TLN2: variants seen among roughly 807,000 people sequenced by gnomAD.
TLN2 encodes talin-2.
In TLN2, 118 loss-of-function variants were observed where a neutral mutation model predicts 294.7. The ratio of observed to expected loss-of-function variants is 0.40; its 90% CI spans 0.34 to 0.47. The LOEUF (loss-of-function observed/expected upper bound fraction) is 0.47. TLN2 is among the 20% of genes least tolerant of loss of function. TLN2 has a pLI of 0.84. For missense variants in TLN2, 3,083 were observed against 3,282.2 expected, an observed-to-expected ratio of 0.94 and a Z score of 1.48; for synonymous variants, 1,431 against 1,304.5, an observed-to-expected ratio of 1.10 and a Z score of -2.09.
chr15:62,570,913 G>T (rs1275817737), intron 1 of TLN2, among the ~76,000 whole-genome samples: 1 of 133,926 alleles, frequency 7.5e-6, no homozygotes, highest in Non-Finnish European at 1.5e-5. Flanking sequence ...CTGTGTGTGT[G>T]TGTGTGTGTG....
chr15:62,813,529 T>C (rs924498324), intron 52 of TLN2, among the ~76,000 whole-genome samples: 3 of 152,118 alleles, frequency 2.0e-5, no homozygotes, highest in Admixed American at 6.5e-5. Flanking sequence ...GATCCAAATA[T>C]ATTTTAAAGA....
rs1007859607 is a variant in TLN2 at position 62,647,141 on chromosome 15, G to A, written c.-36-134G>A. On this transcript the variant is annotated intron_variant, in intron 3 of 58. Transcript: ENST00000636159. ...GTAAAATTTGTTTTGTACCTAAAGT[G>A]TACTCTTTATTTGCTGTTTTATTCT... 12 of 853,794 alleles carry A rather than the reference G, an allele frequency of 1.4e-5. No homozygotes were observed. In the African/African-American group the frequency reaches 1.7e-4, roughly 12 times the overall value. The allele number at this position is 853,794 out of a possible 1,614,324, so 52.9% of individuals were successfully genotyped here.
At chr15:62,714,427 C>T (rs1451230624) in intron 22 of TLN2, among the ~76,000 whole-genome samples, 1 of 151,956 alleles carries the variant, frequency 6.6e-6, no homozygotes, top group South Asian at 2.1e-4. Context: ...TGGTCTCGAT[C>T]TCCTGACCTT....
At chr15:62,525,197 C>T (rs940021564) in intron 1 of TLN2, among the ~76,000 whole-genome samples, 1 of 152,198 alleles carries the variant, frequency 6.6e-6, no homozygotes, top group African/African-American at 2.4e-5. Context: ...CATTGTCTCT[C>T]ACATGTGTTT....
At chr15:62,491,335 AAAATATATAT>A (rs1190856074) in intron 1 of TLN2, among the ~76,000 whole-genome samples, 5 of 100,956 alleles carry the variant, frequency 5.0e-5, no homozygotes, top group African/African-American at 2.0e-4. Flanking sequence ...TCAAAAAAAA[AAAATATATAT>A]ATATATACAC....
chr15:62,805,910 C>T (rs1448973147), intron 51 of TLN2, 125 bp downstream of exon 51: 4 of 1,069,974 alleles, frequency 3.7e-6, no homozygotes, highest in Non-Finnish European at 5.2e-6. Context: ...GCACACAGGG[C>T]CAGGGGTAGT....
rs36112967 is a variant in TLN2 at position 62,756,895 on chromosome 15, C to CTT, written c.4638+1210_4638+1211dup. Among the ~76,000 whole-genome samples, 23 of 151,008 alleles carry CTT rather than the reference C, an allele frequency of 1.5e-4. No homozygotes were observed. In the South Asian group the frequency reaches 1.7e-3, roughly 11 times the overall value. On this transcript the variant is annotated intron_variant, in intron 37 of 58. Coordinates refer to ENST00000636159, the MANE Select transcript of TLN2 (RefSeq NM_015059.3). ...CTTCTTAGCTGTTTAAACAAAGAGT[C>CTT]TTTTTTTTTAGAAATGAACAAACAA...
At chr15:62,545,870 C>T (rs895989827) in intron 1 of TLN2, among the ~76,000 whole-genome samples, 3 of 152,138 alleles carry the variant, frequency 2.0e-5, no homozygotes, top group Non-Finnish European at 2.9e-5. Context: ...GTATCCCAGA[C>T]TGGTGCTGTC....
At chr15:62,717,069 T>C (rs895299880) in intron 23 of TLN2, among the ~76,000 whole-genome samples, 1 of 152,152 alleles carries the variant, frequency 6.6e-6, no homozygotes, top group Non-Finnish European at 1.5e-5. Context: ...TCTGCTATAT[T>C]CTGGAAGAAA....
At chr15:62,525,588 G>A (rs1342194299) in intron 1 of TLN2, among the ~76,000 whole-genome samples, 3 of 152,200 alleles carry the variant, frequency 2.0e-5, no homozygotes, top group African/African-American at 7.2e-5. Context: ...TTGGGTATCA[G>A]AAATTGGTGA....
At chr15:62,426,526 C>A (rs1432627242) in intron 1 of TLN2, among the ~76,000 whole-genome samples, 1 of 152,154 alleles carries the variant, frequency 6.6e-6, no homozygotes, top group Non-Finnish European at 1.5e-5. Flanking sequence ...GCCTTTTAGA[C>A]CCAGACAGAC....
chr15:62,497,582 C>T (rs1002904082), intron 1 of TLN2, among the ~76,000 whole-genome samples: 15 of 152,164 alleles, frequency 9.9e-5, no homozygotes, highest in African/African-American at 3.1e-4. Flanking sequence ...AAAATCGTTT[C>T]TCAGGGCTCT....
At chr15:62,583,633 G>C (rs1194263108) in intron 1 of TLN2, among the ~76,000 whole-genome samples, 2 of 152,024 alleles carry the variant, frequency 1.3e-5, no homozygotes, top group Admixed American at 6.6e-5. Flanking sequence ...AAATATAAAA[G>C]TGTATAAAGT....
chr15:62,643,793 T>C (rs2051465493), intron 3 of TLN2, among the ~76,000 whole-genome samples: 1 of 152,096 alleles, frequency 6.6e-6, no homozygotes, highest in Admixed American at 6.5e-5. Context: ...CCCAGGGTCC[T>C]TTCCGTGAAC....
chr15:62,486,744 G>C (rs374602619), intron 1 of TLN2, among the ~76,000 whole-genome samples: 17 of 150,904 alleles, frequency 1.1e-4, no homozygotes, highest in African/African-American at 4.1e-4. Flanking sequence ...TTGTACAGGA[G>C]TTGAGCATTT....
intron 1 of TLN2, among the ~76,000 whole-genome samples, chr15:62,549,352 T>C (rs1596088166): frequency 6.6e-6 from 1 of 152,178 alleles, no homozygotes; most frequent in South Asian, 2.1e-4. Context: ...TGAGGCTGGT[T>C]TCTAATACCT....
At chr15:62,825,813 T>TAC (rs1555521956) in intron 54 of TLN2, among the ~76,000 whole-genome samples, 4 of 3,190 alleles carry the variant, frequency 1.3e-3, no homozygotes, top group Non-Finnish European at 2.1e-3. Context: ...ATATATTATA[T>TAC]TATAATATAT....
intron 2 of TLN2, among the ~76,000 whole-genome samples, chr15:62,598,359 T>G (rs996586144): frequency 6.6e-6 from 1 of 152,180 alleles, no homozygotes; most frequent in African/African-American, 2.4e-5. Flanking sequence ...GATCTCTGTC[T>G]TTACCCCAGA....
chr15:62,791,843 G>T (rs2065096218), intron 45 of TLN2, among the ~76,000 whole-genome samples: 1 of 152,248 alleles, frequency 6.6e-6, no homozygotes, highest in African/African-American at 2.4e-5. Flanking sequence ...AGGGCCGGAG[G>T]AATGCAAACT....
Sources: gnomAD v4.1 joint callset for allele counts (sites outside exome capture counted in the v4.1 genomes callset) on GRCh38, gnomAD v4.1.1 for gene constraint, MANE v1.5 for transcripts, NCBI Gene and HGNC (gene_info 2026-07-23, HGNC 2026-07-21) for gene names.